Variants in SNTB1 observed in about 807,000 individuals in gnomAD.
The protein encoded by SNTB1 is beta-1-syntrophin.
Under a neutral mutation model 48.9 loss-of-function variants are expected in SNTB1, and 36 were observed. That is an observed-to-expected ratio of 0.74 (90% CI 0.56 to 0.97). The LOEUF (loss-of-function observed/expected upper bound fraction) is 0.97, where lower values mean the gene tolerates loss of function less well. Among genes scored for constraint, SNTB1 ranks in the 50% least tolerant of loss-of-function variants. The probability of loss-of-function intolerance (pLI) is 0.00; values close to 1 mark genes in which losing one functional copy is unlikely to be tolerated. For synonymous variants in SNTB1, 299 were observed against 294.6 expected (o/e 1.01, Z -0.15); for missense variants, 786 against 703.4 (o/e 1.12, Z -1.33).
intron 2 of SNTB1, among the ~76,000 whole-genome samples, chr8:120,651,854 G>A (rs116771272): frequency 1.3e-3 from 205 of 152,228 alleles, no homozygotes; most frequent in African/African-American, 4.6e-3. Context: ...ACAGAGTGGA[G>A]CGAAAAAAGA....
At chr8:120,694,589 T>C (rs907277856) in intron 1 of SNTB1, among the ~76,000 whole-genome samples, 1 of 151,162 alleles carries the variant, frequency 6.6e-6, no homozygotes, top group African/African-American at 2.4e-5. Flanking sequence ...ATATATCTCT[T>C]TCTCTCTCTC....
chr8:120,550,844 GA>G (rs1253333856), intron 4 of SNTB1, among the ~76,000 whole-genome samples: 12 of 152,202 alleles, frequency 7.9e-5, no homozygotes, highest in Non-Finnish European at 1.5e-5. Flanking sequence ...AATTCATTAA[GA>G]AAAGGTATCT....
intron 1 of SNTB1, among the ~76,000 whole-genome samples, chr8:120,729,012 A>T (rs1818808775): frequency 1.3e-5 from 2 of 148,976 alleles, no homozygotes; most frequent in Admixed American, 6.7e-5. Flanking sequence ...ATGGGGTCTC[A>T]CCCTGTCCCC....
At chr8:120,729,793 G>T (rs1311232700) in intron 1 of SNTB1, among the ~76,000 whole-genome samples, 1 of 152,212 alleles carries the variant, frequency 6.6e-6, no homozygotes, top group East Asian at 1.9e-4. Flanking sequence ...CGACCTCACA[G>T]GATAGTGATG....
At chr8:120,566,778 T>TG (rs1175813824) in intron 4 of SNTB1, among the ~76,000 whole-genome samples, 1 of 152,188 alleles carries the variant, frequency 6.6e-6, no homozygotes, top group African/African-American at 2.4e-5. Context: ...CAGTCCCAGA[T>TG]GGTGTTCCCG....
chr8:120,561,652 A>G (rs1174673205), intron 4 of SNTB1, among the ~76,000 whole-genome samples: 2 of 152,200 alleles, frequency 1.3e-5, no homozygotes, highest in African/African-American at 4.8e-5. Flanking sequence ...TGTGTGTAGA[A>G]TACACAGTAT....
chr8:120,786,858 C>T (rs1003729149), intron 1 of SNTB1, among the ~76,000 whole-genome samples: 10 of 152,182 alleles, frequency 6.6e-5, no homozygotes, highest in Admixed American at 2.6e-4. Flanking sequence ...TTTGTCCACC[C>T]GCTTTAGCCA....
intron 1 of SNTB1, among the ~76,000 whole-genome samples, chr8:120,725,472 G>T (rs1485752513): frequency 6.6e-6 from 1 of 152,170 alleles, no homozygotes; most frequent in Non-Finnish European, 1.5e-5. Context: ...GTAATTTGAT[G>T]GAAAGGAAGC....
At position 120,540,900 on chromosome 8, in the gene SNTB1, T is replaced by G. The variant is rs150451843; in HGVS notation, c.1524+910A>C. On this transcript the variant is annotated intron_variant, in intron 6 of 6. Coordinates refer to ENST00000517992, the MANE Select transcript of SNTB1 (RefSeq NM_021021.4). ...GCAATTCTGAGAGATAAAAAGTCCC[T>G]AGGGTCTGTTAGGTGTGTTCTGCCC... Among the ~76,000 whole-genome samples, 8 of 152,268 alleles carry G rather than the reference T, an allele frequency of 5.3e-5. No individual in the cohort carries two copies. The East Asian group carries it at 1.5e-3, about 29-fold the overall frequency.
chr8:120,638,710 T>C (rs916228413), intron 2 of SNTB1, among the ~76,000 whole-genome samples: 1 of 152,162 alleles, frequency 6.6e-6, no homozygotes, highest in African/African-American at 2.4e-5. Context: ...TCCACTTCAT[T>C]CATGTCCCTA....
Position 120,677,611 on chromosome 8 carries a change from AT to A in SNTB1, c.788+16080del, listed in dbSNP as rs780253674. Among the ~76,000 whole-genome samples, 201 of 150,578 alleles carry A rather than the reference AT, an allele frequency of 1.3e-3. 2 individuals carry two copies. Among genetic ancestry groups the A allele is most frequent in the Non-Finnish European group, 2.1e-3 (139 of 67,528 alleles). On this transcript the variant is annotated intron_variant, in intron 2 of 6. Transcript: ENST00000517992. ...CCTTTGATAATCTTAGTAGGGCTGG[AT>A]TTTTTTTTTAAGTGGGAGATTGGAG...
intron 1 of SNTB1, among the ~76,000 whole-genome samples, chr8:120,712,414 C>CAAA (rs370583854): frequency 2.0e-4 from 16 of 81,292 alleles, no homozygotes; most frequent in South Asian, 4.2e-4. Context: ...GACTCCATCT[C>CAAA]AAAAAAAAAA....
At position 120,538,678 on chromosome 8, in the gene SNTB1, C is replaced by G; in HGVS notation, c.*199G>C. ...TAGAAAGTTTTACTCTGATATTTCT[C>G]ATGGTACTTTCGCAGGGTATCCCTT... On this transcript the variant is annotated 3_prime_UTR_variant, in exon 7 of 7. Coordinates refer to ENST00000517992, the MANE Select transcript of SNTB1 (RefSeq NM_021021.4). The G allele has an allele frequency of 1.5e-6, 1 of 653,932 alleles. No homozygotes were observed. The highest frequency in any genetic ancestry group is 2.8e-6 in the Non-Finnish European group (1 of 351,920). 40.5% of individuals were successfully genotyped at this position (653,932 alleles called of 1,614,324 possible). A position where few individuals can be genotyped will look rare whatever the true frequency, so the allele number is the denominator to read the frequency against.
intron 3 of SNTB1, among the ~76,000 whole-genome samples, chr8:120,578,580 G>T (rs1815987366): frequency 1.3e-5 from 2 of 152,146 alleles, no homozygotes; most frequent in Admixed American, 1.3e-4. Context: ...GAACTGATCA[G>T]ATTTCTAATG....
intron 1 of SNTB1, among the ~76,000 whole-genome samples, chr8:120,718,511 T>A (rs1818600823): frequency 6.6e-6 from 1 of 152,260 alleles, no homozygotes; most frequent in South Asian, 2.1e-4. Flanking sequence ...TTTTATTACA[T>A]GTTTGTAAAT....
chr8:120,540,750 A>T (rs779994534), intron 6 of SNTB1, among the ~76,000 whole-genome samples: 3 of 152,224 alleles, frequency 2.0e-5, no homozygotes, highest in Non-Finnish European at 4.4e-5. Context: ...CAGAAAGTGA[A>T]TGTCAGCAAA....
chr8:120,597,928 A>C (rs1376917155), intron 3 of SNTB1, among the ~76,000 whole-genome samples: 1 of 152,268 alleles, frequency 6.6e-6, no homozygotes, highest in Non-Finnish European at 1.5e-5. Flanking sequence ...AAATCAAGAC[A>C]AATTTAAAAC....
intron 1 of SNTB1, among the ~76,000 whole-genome samples, chr8:120,720,852 C>T (rs1350242008): frequency 6.6e-6 from 1 of 152,164 alleles, no homozygotes; most frequent in African/African-American, 2.4e-5. Context: ...TGGCCAACCA[C>T]CTACCTTACC....
chr8:120,656,157 G>A (rs1198569467), intron 2 of SNTB1, among the ~76,000 whole-genome samples: 1 of 152,208 alleles, frequency 6.6e-6, no homozygotes, highest in South Asian at 2.1e-4. Flanking sequence ...GTGGATTTAG[G>A]AAGCAGGTTG....
Sources: gnomAD v4.1 joint callset for allele counts (sites outside exome capture counted in the v4.1 genomes callset) on GRCh38, gnomAD v4.1.1 for gene constraint, MANE v1.5 for transcripts, NCBI Gene and HGNC (gene_info 2026-07-23, HGNC 2026-07-21) for gene names.